CTNNA3: variants seen among roughly 807,000 people sequenced by gnomAD.
CTNNA3 encodes catenin alpha 3, also known as catenin alpha-3.
A neutral mutation model predicts 95.7 loss-of-function variants in CTNNA3; 76 were observed. The ratio of observed to expected loss-of-function variants is 0.79; its 90% CI spans 0.66 to 0.96. The LOEUF is 0.96. Ranked by LOEUF, CTNNA3 falls within the 40% of genes least tolerant of loss-of-function variation. The pLI is 0.00. For synonymous variants in CTNNA3, 431 were observed against 374.4 expected, an observed-to-expected ratio of 1.15 and a Z score of -1.74; for missense variants, 1,191 against 1,089.8, an observed-to-expected ratio of 1.09 and a Z score of -1.31.
At chr10:67,399,781 A>G (rs778615751) in intron 5 of CTNNA3, among the ~76,000 whole-genome samples, 3 of 152,232 alleles carry the variant, frequency 2.0e-5, no homozygotes, top group Non-Finnish European at 4.4e-5. Flanking sequence ...AACTATAAGC[A>G]TTATGGTAAC....
In CTNNA3 at chr10:66,069,485, T is replaced by C; in HGVS notation, c.1982A>G (p.Lys661Arg). 1.2e-6 allele frequency: 2 copies of C among 1,608,694 alleles called. No individual in the cohort carries two copies. The highest frequency in any genetic ancestry group is 1.7e-6 in the Non-Finnish European group (2 of 1,177,936). The change falls in exon 15 of 18, where the codon AAG becomes AGG. Residue 661 changes from lysine to arginine, a missense_variant. Physicochemically the swap from Lys to Arg is conservative, Grantham distance 26. Transcript: ENST00000433211. Reference protein sequence around the residue: ...IQTEGKTDRAKMTQLPEAEKE... With the variant: ...IQTEGKTDRARMTQLPEAEKE... ...TTCTGCCTCAGGCAGTTGAGTCATCTTAGCCTAAAACATGTGATAATTAGA... is the reference window on the plus strand; with the variant it reads ...TTCTGCCTCAGGCAGTTGAGTCATCCTAGCCTAAAACATGTGATAATTAGA...
At chr10:66,127,886 C>T (rs1589484412) in intron 13 of CTNNA3, among the ~76,000 whole-genome samples, 1 of 152,050 alleles carries the variant, frequency 6.6e-6, no homozygotes, top group Non-Finnish European at 1.5e-5. Context: ...ACCAGCCTGG[C>T]CAACATGGTG....
At chr10:67,161,737 G>A (rs756785959) in intron 7 of CTNNA3, among the ~76,000 whole-genome samples, 5 of 151,934 alleles carry the variant, frequency 3.3e-5, no homozygotes, top group Non-Finnish European at 4.4e-5. Flanking sequence ...AAAAGACAGA[G>A]GTTAGCAGAA....
At chr10:67,481,597 A>G (rs545538606) in intron 5 of CTNNA3, among the ~76,000 whole-genome samples, 1 of 152,302 alleles carries the variant, frequency 6.6e-6, no homozygotes, top group South Asian at 2.1e-4. Flanking sequence ...TGAAAGAAAG[A>G]TCTCTACAAG....
chr10:65,916,503 T>A lies in CTNNA3; in HGVS notation c.*3827A>T, dbSNP rs1269858823. ...TCTTATTCCACTCATACTACCACTA[T>A]ACAAAAATCTGTAGCCATGGGAACC... On this transcript the variant is annotated 3_prime_UTR_variant, in exon 18 of 18. Coordinates refer to ENST00000433211, the MANE Select transcript of CTNNA3 (RefSeq NM_013266.4). 6.6e-6 allele frequency: 1 copy of A among 152,122 alleles called. No individual in the cohort carries two copies. The highest frequency in any genetic ancestry group is 1.5e-5 in the Non-Finnish European group (1 of 68,024). The allele number at this position is 152,122 out of a possible 1,614,324, so 9.4% of individuals were successfully genotyped here.
At chr10:66,740,593 T>C (rs563245698) in intron 9 of CTNNA3, among the ~76,000 whole-genome samples, 2 of 152,376 alleles carry the variant, frequency 1.3e-5, no homozygotes, top group African/African-American at 4.8e-5. Flanking sequence ...TCATTTCTCT[T>C]TTGCTTTCTA....
intron 7 of CTNNA3, among the ~76,000 whole-genome samples, chr10:67,132,228 A>C (rs1860047818): frequency 1.3e-5 from 2 of 152,236 alleles, no homozygotes; most frequent in East Asian, 3.9e-4. Flanking sequence ...GCATTAAGTG[A>C]GATGATAATA....
intron 7 of CTNNA3, among the ~76,000 whole-genome samples, chr10:66,876,982 T>G (rs183017170): frequency 6.6e-6 from 1 of 152,278 alleles, no homozygotes; most frequent in East Asian, 1.9e-4. Context: ...TGGGAAGCCC[T>G]GAGTCACATA....
At chr10:67,283,176 T>C (rs1839465011) in intron 5 of CTNNA3, among the ~76,000 whole-genome samples, 1 of 152,048 alleles carries the variant, frequency 6.6e-6, no homozygotes, top group South Asian at 2.1e-4. Context: ...ACAAGCATGG[T>C]AGGAGAGGGT....
chr10:66,204,161 A>T lies in CTNNA3; in HGVS notation c.1884+76309T>A, dbSNP rs570913627. 4.5e-4 allele frequency among the ~76,000 whole-genome samples: 68 copies of T among 152,274 alleles called. No homozygotes were observed. In the South Asian group the frequency reaches 0.014, roughly 31 times the overall value. On this transcript the variant is annotated intron_variant, in intron 13 of 17. Transcript: ENST00000433211. ...TCTTCTAAAATAGTTGTTTTAAATAAAAGAATGAAAATGAACTACTCACAT... is the reference window on the plus strand; with the variant it reads ...TCTTCTAAAATAGTTGTTTTAAATATAAGAATGAAAATGAACTACTCACAT...
At chr10:66,535,557 T>C (rs1841622202) in intron 10 of CTNNA3, among the ~76,000 whole-genome samples, 1 of 152,174 alleles carries the variant, frequency 6.6e-6, no homozygotes, top group Non-Finnish European at 1.5e-5. Context: ...CAGGTTCTAT[T>C]TGAAGAGCTA....
chr10:67,110,779 T>C (rs1858877428), intron 7 of CTNNA3, among the ~76,000 whole-genome samples: 1 of 152,130 alleles, frequency 6.6e-6, no homozygotes, highest in Non-Finnish European at 1.5e-5. Context: ...TTGCTATAAA[T>C]TAATTACTCA....
chr10:66,177,649 T>C (rs1472307239), intron 13 of CTNNA3, among the ~76,000 whole-genome samples: 4 of 152,072 alleles, frequency 2.6e-5, no homozygotes, highest in African/African-American at 4.8e-5. Context: ...AGTTATTTTA[T>C]ACTAAACATA....
intron 1 of CTNNA3, among the ~76,000 whole-genome samples, chr10:67,705,728 T>G (rs1841074440): frequency 6.7e-6 from 1 of 149,002 alleles, no homozygotes; most frequent in South Asian, 2.1e-4. Flanking sequence ...TGTATACATA[T>G]GTAACTAACC....
chr10:66,653,594 A>G (rs7894256), intron 9 of CTNNA3, among the ~76,000 whole-genome samples: 9,623 of 151,998 alleles, frequency 0.063, 1,044 homozygotes, highest in African/African-American at 0.22. Flanking sequence ...ATAGCAATAG[A>G]AAAAAAATCC....
chr10:67,463,159 C>A (rs117294402), intron 5 of CTNNA3, among the ~76,000 whole-genome samples: 4,222 of 152,206 alleles, frequency 0.028, 86 homozygotes, highest in Non-Finnish European at 0.04. Flanking sequence ...CCCACCTTGA[C>A]CTCCTAAAGT....
At chr10:66,686,581 C>G (rs1847305863) in intron 9 of CTNNA3, among the ~76,000 whole-genome samples, 1 of 152,166 alleles carries the variant, frequency 6.6e-6, no homozygotes, top group Non-Finnish European at 1.5e-5. Context: ...TTGCTTTGAT[C>G]AGGCTATAGG....
At chr10:67,429,084 GT>G (rs1426438983) in intron 5 of CTNNA3, among the ~76,000 whole-genome samples, 1 of 151,906 alleles carries the variant, frequency 6.6e-6, no homozygotes, top group Non-Finnish European at 1.5e-5. Context: ...TATGATGTTT[GT>G]TTTTATCCTT....
At chr10:67,029,915 C>T (rs1041091567) in intron 7 of CTNNA3, among the ~76,000 whole-genome samples, 10 of 152,216 alleles carry the variant, frequency 6.6e-5, no homozygotes, top group East Asian at 1.9e-4. Context: ...AGATATAGAA[C>T]AGCCCCATGG....
Sources: allele counts gnomAD v4.1 joint callset (sites outside exome capture counted in the v4.1 genomes callset), GRCh38; gene constraint gnomAD v4.1.1; transcripts MANE v1.5; gene names NCBI Gene and HGNC (gene_info 2026-07-23, HGNC 2026-07-21).